Variants in ADAMTSL4 observed in about 807,000 individuals in gnomAD.
ADAMTSL4 encodes the protein ADAMTS-like protein 4.
Under a neutral mutation model 122.8 loss-of-function variants are expected in ADAMTSL4, and 97 were observed. The ratio of observed to expected loss-of-function variants is 0.79; its 90% CI spans 0.67 to 0.93. The LOEUF (loss-of-function observed/expected upper bound fraction) is 0.93, where lower values mean the gene tolerates loss of function less well. ADAMTSL4 is among the 40% of genes least tolerant of loss of function. The pLI is 0.00. For missense variants in ADAMTSL4, 1,408 were observed against 1,453.5 expected (o/e 0.97, Z 0.51); for synonymous variants, 592 against 568.0 (o/e 1.04, Z -0.60).
intron 2 of ADAMTSL4, chr1:150,550,902 T>A: frequency 2.2e-6 from 1 of 456,404 alleles, no homozygotes; most frequent in Non-Finnish European, 4.4e-6. Context: ...CTTCTCTTGG[T>A]CATTTTCTGC....
rs587697730 is a variant in ADAMTSL4 at position 150,559,746 on chromosome 1, C to T, written c.2944-15C>T. ...GCCTGGCAAAGGTCTGATATGATGG[C>T]TGGGGTCGCCCCAGTGTTCTCGCTC... On this transcript the variant is annotated splice_polypyrimidine_tract_variant and intron_variant, in intron 17 of 18. Transcript: ENST00000271643. This position sits in a 1 kb window ranked among gnomAD's most constrained non-coding sequence, Gnocchi z 4.1. 2 of 1,613,844 alleles carry T rather than the reference C, an allele frequency of 1.2e-6. No individual in the cohort carries two copies. Among genetic ancestry groups the T allele is most frequent in the Non-Finnish European group, 1.7e-6 (2 of 1,179,986 alleles).
Position 150,553,115 on chromosome 1 carries a change from G to T in ADAMTSL4, c.296G>T (p.Gly99Val). Residue 99 changes from glycine (G) to valine (V), a missense_variant, in exon 5 of 19, where the codon GGC (glycine) becomes GTC (valine). By Grantham distance (109) the Gly-to-Val change is moderately radical. Transcript: ENST00000271643. ...PRHPEALLPR[G>V]QGPRPQTSPE... is the part of the protein sequence containing the mutation. Reference sequence around the variant, plus strand: ...CATCCAGAAGCCCTCCTCCCCCGGGGCCAGGGTCCCAGACCCCAGACTTCT... The same window carrying T: ...CATCCAGAAGCCCTCCTCCCCCGGGTCCAGGGTCCCAGACCCCAGACTTCT... 3 of 1,613,170 alleles carry T rather than the reference G, an allele frequency of 1.9e-6. No homozygotes were observed. Among genetic ancestry groups the T allele is most frequent in the South Asian group, 2.2e-5 (2 of 90,978 alleles).
Position 150,555,578 on chromosome 1 carries a change from A to T in ADAMTSL4, c.1371+13A>T, listed in dbSNP as rs1043643786. 6.8e-6 allele frequency: 11 copies of T among 1,609,692 alleles called. No homozygotes were observed. In the East Asian group the frequency reaches 1.3e-4, roughly 20 times the overall value. On this transcript the variant is annotated intron_variant, in intron 8 of 18. Transcript: ENST00000271643. ...TGGACGCTGTCTGGTGAGGGAAGAC[A>T]GTGTGTGTGTGCACACACACATGCA... is the stretch of plus-strand genomic sequence containing the variant.
rs1672671493 is a variant in ADAMTSL4 at position 150,560,757 on chromosome 1, G to T, written c.*561G>T. The T allele has an allele frequency of 6.1e-6, 1 of 164,004 alleles. No homozygotes were observed. The highest frequency in any genetic ancestry group is 1.4e-5 in the Non-Finnish European group (1 of 74,048). 10.2% of individuals were successfully genotyped at this position (164,004 alleles called of 1,614,324 possible). The stretch of plus-strand genomic sequence containing the variant: ...CAATCCTGCCTTACTCAGGAAGGCA[G>T]GAGGAAAGAGACTGCCTCTCCAGAG... On this transcript the variant is annotated 3_prime_UTR_variant, in exon 19 of 19. Coordinates refer to ENST00000271643, the MANE Select transcript of ADAMTSL4 (RefSeq NM_019032.6).
At position 150,557,485 on chromosome 1, in the gene ADAMTSL4, C is replaced by T. The variant is rs1365497641; in HGVS notation, c.2048-9C>T. On this transcript the variant is annotated splice_polypyrimidine_tract_variant and intron_variant, in intron 12 of 18. Transcript: ENST00000271643. The stretch of plus-strand genomic sequence containing the variant: ...TCCTGCCTCCCTGGCTGCCTTCTCA[C>T]CCACTCAGGTGTCTGGCGCCCCATT... 2 of 1,613,090 alleles carry T rather than the reference C, an allele frequency of 1.2e-6. No homozygotes were observed. Among genetic ancestry groups the T allele is most frequent in the African/African-American group, 1.3e-5 (1 of 74,940 alleles).
chr1:150,551,736 C>T (rs2101547919), intron 2 of ADAMTSL4: 1 of 154,934 alleles, frequency 6.5e-6, no homozygotes, highest in Middle Eastern at 3.4e-3. Context: ...CCATCTCCAC[C>T]AAAAAATACC....
Position 150,554,524 on chromosome 1 carries a change from A to G in ADAMTSL4, c.1234+57A>G, listed in dbSNP as rs1440226442. ...TGGCTTGGAATTGGGGATGAAGGGG[A>G]GAGGAGATACCTGCTTACTCCCAGC... On this transcript the variant is annotated intron_variant, in intron 7 of 18. Transcript: ENST00000271643. The surrounding 1 kb of genome is among the most constrained non-coding windows in gnomAD (Gnocchi z 4.0). 1 of 1,608,604 alleles carries G rather than the reference A, an allele frequency of 6.2e-7. No homozygotes were observed. The highest frequency in any genetic ancestry group is 1.7e-5 in the Admixed American group (1 of 59,046).
In ADAMTSL4 at chr1:150,553,103, T is replaced by C. The variant is rs1478795398; in HGVS notation, c.284T>C (p.Leu95Pro). 3.2e-6 allele frequency: 5 copies of C among 1,581,730 alleles called. No homozygotes were observed. In the African/African-American group the frequency reaches 6.9e-5, roughly 22 times the overall value. Residue 95 changes from leucine to proline, a missense_variant, in exon 5 of 19, where the codon CTC (leucine) becomes CCC (proline). Physicochemically the swap from Leu to Pro is moderately conservative, Grantham distance 98. Transcript: ENST00000271643. ...PPRPPRHPEA[L>P]LPRGQGPRPQ... is the part of the protein sequence containing the mutation. ...CGGCCCCCAAGACATCCAGAAGCCC[T>C]CCTCCCCCGGGGCCAGGGTCCCAGA...
chr1:150,560,252 C>A lies in ADAMTSL4; in HGVS notation c.*56C>A. 1 of 1,608,182 alleles carries A rather than the reference C, an allele frequency of 6.2e-7. No individual in the cohort carries two copies. Among genetic ancestry groups the A allele is most frequent in the Non-Finnish European group, 8.5e-7 (1 of 1,177,262 alleles). Reference sequence around the variant, plus strand: ...GTGCCACCATCGGTCACCCATTGATCGGCCCACTCTGAACCCCCTGGCTCT... The same window carrying A: ...GTGCCACCATCGGTCACCCATTGATAGGCCCACTCTGAACCCCCTGGCTCT... On this transcript the variant is annotated 3_prime_UTR_variant, in exon 19 of 19. Transcript: ENST00000271643.
chr1:150,554,149 A>C lies in ADAMTSL4; in HGVS notation c.1131+27A>C. The C allele has an allele frequency of 6.3e-7, 1 of 1,596,684 alleles. No homozygotes were observed. On this transcript the variant is annotated intron_variant, in intron 6 of 18. Transcript: ENST00000271643. The surrounding 1 kb of genome is among the most constrained non-coding windows in gnomAD (Gnocchi z 4.0). ...TGAGTCTCCTCGGGCCTCCCCTCCC[A>C]ACCCCGACCTCCAGTGTGGCTTCCC... is the stretch of plus-strand genomic sequence containing the variant.
rs760015413 is a variant in ADAMTSL4 at position 150,556,336 on chromosome 1, G to T, written c.1546G>T (p.Ala516Ser). Residue 516 changes from alanine to serine, a missense_variant, in exon 9 of 19, where the codon GCC becomes TCC. Ala to Ser is a moderately conservative substitution (Grantham distance 99, BLOSUM62 1). Coordinates refer to ENST00000271643, the MANE Select transcript of ADAMTSL4 (RefSeq NM_019032.6). The surrounding 1 kb of genome is among the most constrained non-coding windows in gnomAD (Gnocchi z 4.1). ...AGCGGGAGCCTTGCGGCTCCAGATT[G>T]CCCAGCTCCGGCCTAGCTCCAACTA... is the stretch of plus-strand genomic sequence containing the variant. ...IPAGALRLQI[A>S]QLRPSSNYLA... The T allele has an allele frequency of 6.2e-7, 1 of 1,614,082 alleles. No individual in the cohort carries two copies. Among genetic ancestry groups the T allele is most frequent in the Non-Finnish European group, 8.5e-7 (1 of 1,180,018 alleles).
chr1:150,557,807 C>T, intron 13 of ADAMTSL4, 138 bp from the exon 14 acceptor site: 1 of 1,342,836 alleles, frequency 7.4e-7, no homozygotes, highest in Non-Finnish European at 1.0e-6. Context: ...CCCCCAGGAA[C>T]CCAGACTCCA....
chr1:150,556,201 C>A lies in ADAMTSL4; in HGVS notation c.1411C>A (p.Pro471Thr), dbSNP rs746845428. 1 of 1,614,204 alleles carries A rather than the reference C, an allele frequency of 6.2e-7. No homozygotes were observed. The highest frequency in any genetic ancestry group is 8.5e-7 in the Non-Finnish European group (1 of 1,180,044). The change falls in exon 9 of 19, where the codon CCT becomes ACT. Residue 471 changes from proline to threonine, a missense_variant. Transcript: ENST00000271643. This position sits in a 1 kb window ranked among gnomAD's most constrained non-coding sequence, Gnocchi z 4.1. ...CDGILGSGRR[P>T]DGCGVCGGDD... ...TGGGATCCTTGGCTCTGGCAGGCGTCCTGATGGCTGTGGAGTCTGTGGGGG... is the reference window on the plus strand; with the variant it reads ...TGGGATCCTTGGCTCTGGCAGGCGTACTGATGGCTGTGGAGTCTGTGGGGG...
At position 150,553,835 on chromosome 1, in the gene ADAMTSL4, C is replaced by CGAA; in HGVS notation, c.846_848dup (p.Arg283dup). On this transcript the variant is annotated inframe_insertion, in exon 6 of 19. Transcript: ENST00000271643. ...CTTCTTCCGTGCATCCCCTCAGCCA[C>CGAA]GAAGGCCAAGTTCCCAGGGTTGGGC... is the stretch of plus-strand genomic sequence containing the variant. The CGAA allele has an allele frequency of 6.2e-7, 1 of 1,614,130 alleles. No individual in the cohort carries two copies. Among genetic ancestry groups the CGAA allele is most frequent in the Non-Finnish European group, 8.5e-7 (1 of 1,180,012 alleles).
At position 150,560,174 on chromosome 1, in the gene ADAMTSL4, G is replaced by A. The variant is rs369738573; in HGVS notation, c.3203G>A (p.Arg1068Gln). 6 of 1,613,858 alleles carry A rather than the reference G, an allele frequency of 3.7e-6. No individual in the cohort carries two copies. The highest frequency in any genetic ancestry group is 1.7e-5 in the Admixed American group (1 of 60,000). The change falls in exon 19 of 19, where the codon CGG becomes CAG. Residue 1068 changes from arginine to glutamine, a missense_variant. By Grantham distance (43) the Arg-to-Gln change is conservative (BLOSUM62 1). Coordinates refer to ENST00000271643, the MANE Select transcript of ADAMTSL4 (RefSeq NM_019032.6). ...CGCTCTTGCGCACATGTCCTGGAGC[G>A]GTCTCCCCAGGATCCCTCCTGAAAG... ...CCRSCAHVLE[R>Q]SPQDPS
intron 2 of ADAMTSL4, chr1:150,550,791 C>T (rs1560281825): frequency 2.2e-6 from 1 of 456,508 alleles, no homozygotes; most frequent in South Asian, 1.5e-5. Flanking sequence ...CCTGAGGCGC[C>T]CGCTCTGGCT....
Position 150,560,380 on chromosome 1 carries a change from G to C in ADAMTSL4, c.*184G>C, listed in dbSNP as rs587604424. On this transcript the variant is annotated 3_prime_UTR_variant, in exon 19 of 19. Transcript: ENST00000271643. ...AGGGCTGTGGTCAGGCCCATGTGGTGGTGTGATGGGTGTGTGCACATATGC... is the reference window on the plus strand; with the variant it reads ...AGGGCTGTGGTCAGGCCCATGTGGTCGTGTGATGGGTGTGTGCACATATGC... The C allele has an allele frequency of 1.8e-5, 15 of 855,042 alleles. No homozygotes were observed. In the East Asian group the frequency reaches 2.1e-4, roughly 12 times the overall value. 53.0% of individuals were successfully genotyped at this position (855,042 alleles called of 1,614,324 possible).
rs1671556128 is a variant in ADAMTSL4 at position 150,552,775 on chromosome 1, T to C, written c.79-123T>C. On this transcript the variant is annotated intron_variant, in intron 4 of 18. Transcript: ENST00000271643. This position sits in a 1 kb window ranked among gnomAD's most constrained non-coding sequence, Gnocchi z 4.0. ...CAAGAGGCCGAGGTGTAGTTCTCCC[T>C]CTGCTGCTGAATGTGACCTTGGACT... 7.7e-7 allele frequency: 1 copy of C among 1,301,276 alleles called. No individual in the cohort carries two copies. Among genetic ancestry groups the C allele is most frequent in the South Asian group, 1.2e-5 (1 of 83,312 alleles). 80.6% of individuals were successfully genotyped at this position (1,301,276 alleles called of 1,614,324 possible).
chr1:150,556,558 G>T lies in ADAMTSL4; in HGVS notation c.1577-63G>T. 6.2e-7 allele frequency: 1 copy of T among 1,606,978 alleles called. No individual in the cohort carries two copies. Among genetic ancestry groups the T allele is most frequent in the Non-Finnish European group, 8.5e-7 (1 of 1,174,560 alleles). On this transcript the variant is annotated intron_variant, in intron 9 of 18. Transcript: ENST00000271643. This position sits in a 1 kb window ranked among gnomAD's most constrained non-coding sequence, Gnocchi z 4.1. Reference sequence around the variant, plus strand: ...GGGAGCTTCTATAGGCTAAGGACACGGTGTGGGAGGAGGAAGGTATTATCA... The same window carrying T: ...GGGAGCTTCTATAGGCTAAGGACACTGTGTGGGAGGAGGAAGGTATTATCA...
Sources: allele counts gnomAD v4.1 joint callset, GRCh38; gene constraint gnomAD v4.1.1; non-coding constraint Gnocchi (gnomAD v3.1); transcripts MANE v1.5; gene names NCBI Gene and HGNC (gene_info 2026-07-23, HGNC 2026-07-21).